Variants in MAN1A2 observed in about 807,000 individuals in gnomAD.
The protein encoded by MAN1A2 is mannosyl-oligosaccharide 1,2-alpha-mannosidase IB.
Under a neutral mutation model 75.7 loss-of-function variants are expected in MAN1A2, and 26 were observed. The ratio of observed to expected loss-of-function variants is 0.34; its 90% CI spans 0.25 to 0.48. MAN1A2 has a LOEUF of 0.48. Among genes scored for constraint, MAN1A2 ranks in the 20% least tolerant of loss-of-function variants. MAN1A2 has a pLI of 0.99. For synonymous variants in MAN1A2, 247 were observed against 264.6 expected (o/e 0.93, Z 0.65); for missense variants, 562 against 775.5 (o/e 0.72, Z 3.27).
At chr1:117,416,343 G>T (rs1647993177) in intron 4 of MAN1A2, among the ~76,000 whole-genome samples, 1 of 151,932 alleles carries the variant, frequency 6.6e-6, no homozygotes, top group Admixed American at 6.6e-5. Flanking sequence ...TTCTCTGTTG[G>T]TATCTGATCT....
At chr1:117,514,920 T>C in intron 12 of MAN1A2, 1 of 532,432 alleles carries the variant, frequency 1.9e-6, no homozygotes, top group South Asian at 1.4e-5. Context: ...CCTATTCTGC[T>C]GTTTTCTGCT....
chr1:117,428,784 CTTTTTTTTTTTTT>C (rs780515731), intron 5 of MAN1A2, among the ~76,000 whole-genome samples: 1 of 110,206 alleles, frequency 9.1e-6, no homozygotes, highest in African/African-American at 3.5e-5. Context: ...GGAGACCTTT[CTTTTTTTTTTTTT>C]TTTTTTTTTT....
intron 1 of MAN1A2, among the ~76,000 whole-genome samples, chr1:117,398,633 C>T (rs577614077): frequency 9.6e-4 from 145 of 150,434 alleles, no homozygotes; most frequent in Middle Eastern, 3.4e-3. Context: ...GAGATCGTGC[C>T]ACTGCACTAC....
At chr1:117,487,720 CTTGT>C (rs1026000602) in intron 8 of MAN1A2, among the ~76,000 whole-genome samples, 7 of 151,994 alleles carry the variant, frequency 4.6e-5, no homozygotes, top group African/African-American at 1.4e-4. Flanking sequence ...TCACTGCTCT[CTTGT>C]TTATTACCAA....
At chr1:117,374,623 G>T (rs1653082190) in intron 1 of MAN1A2, among the ~76,000 whole-genome samples, 1 of 152,150 alleles carries the variant, frequency 6.6e-6, no homozygotes, top group Non-Finnish European at 1.5e-5. Flanking sequence ...TGGACTCAGT[G>T]TTAAGAGACA....
intron 12 of MAN1A2, among the ~76,000 whole-genome samples, chr1:117,511,939 A>ATG (rs1651549156): frequency 6.6e-6 from 1 of 152,108 alleles, no homozygotes; most frequent in African/African-American, 2.4e-5. Context: ...CTCATATACT[A>ATG]TGTATTTCAG....
chr1:117,381,133 GTT>G (rs1653320261), intron 1 of MAN1A2, among the ~76,000 whole-genome samples: 1 of 151,936 alleles, frequency 6.6e-6, no homozygotes, highest in Non-Finnish European at 1.5e-5. Flanking sequence ...AAATGCAATT[GTT>G]CTCTTAATTT....
chr1:117,367,950 TGA>T lies in MAN1A2; in HGVS notation c.-233_-232del, dbSNP rs1388497306. The T allele has an allele frequency of 3.9e-6, 2 of 513,196 alleles. No homozygotes were observed. The highest frequency in any genetic ancestry group is 6.9e-6 in the Non-Finnish European group (2 of 290,246). The allele number at this position is 513,196 out of a possible 1,614,324, so 31.8% of individuals were successfully genotyped here. A position where few individuals can be genotyped will look rare whatever the true frequency, so the allele number is the denominator to read the frequency against. On this transcript the variant is annotated 5_prime_UTR_variant, in exon 1 of 13. It removes the in-frame stop codon of an upstream open reading frame in the 5' UTR. Coordinates refer to ENST00000356554, the MANE Select transcript of MAN1A2 (RefSeq NM_006699.5). ...TAATAATCCGATGAAGTACAGATGT[TGA>T]AGAGGATATCGCAGGACCTAAACTT...
At chr1:117,474,379 T>A (rs1369556754) in intron 8 of MAN1A2, among the ~76,000 whole-genome samples, 2 of 87,180 alleles carry the variant, frequency 2.3e-5, no homozygotes, top group Admixed American at 2.3e-4. Flanking sequence ...TCACCAGTAT[T>A]CCATGAGTTT....
intron 8 of MAN1A2, among the ~76,000 whole-genome samples, chr1:117,486,067 C>T (rs958415046): frequency 6.6e-6 from 1 of 151,962 alleles, no homozygotes; most frequent in Non-Finnish European, 1.5e-5. Context: ...TGGTTGACTA[C>T]TACAGTGGGA....
chr1:117,421,797 A>T (rs1648209571), intron 5 of MAN1A2, among the ~76,000 whole-genome samples: 1 of 152,098 alleles, frequency 6.6e-6, no homozygotes, highest in African/African-American at 2.4e-5. Context: ...AATAGAAAAA[A>T]ATGATATATA....
At chr1:117,383,041 T>C (rs1653403577) in intron 1 of MAN1A2, among the ~76,000 whole-genome samples, 1 of 152,232 alleles carries the variant, frequency 6.6e-6, no homozygotes, top group Non-Finnish European at 1.5e-5. Context: ...CCTGCCTAAC[T>C]GCTCTTGCTA....
At chr1:117,428,617 A>G (rs1648459028) in intron 5 of MAN1A2, among the ~76,000 whole-genome samples, 1 of 152,086 alleles carries the variant, frequency 6.6e-6, no homozygotes, top group African/African-American at 2.4e-5. Context: ...AGACCAAACT[A>G]TTCACAGTCT....
intron 1 of MAN1A2, among the ~76,000 whole-genome samples, chr1:117,399,308 T>C (rs948576434): frequency 1.2e-4 from 18 of 152,214 alleles, no homozygotes; most frequent in Non-Finnish European, 2.1e-4. Flanking sequence ...TGGTCGGGGA[T>C]TCCACATGCC....
At chr1:117,456,166 C>T (rs1047071042) in intron 6 of MAN1A2, among the ~76,000 whole-genome samples, 4 of 151,894 alleles carry the variant, frequency 2.6e-5, no homozygotes, top group Non-Finnish European at 4.4e-5. Context: ...TTTATCACGG[C>T]GTATTTCACA....
chr1:117,394,439 G>A (rs551675653), intron 1 of MAN1A2, among the ~76,000 whole-genome samples: 10 of 152,328 alleles, frequency 6.6e-5, no homozygotes, highest in South Asian at 4.1e-4. Context: ...AATTGAAGCC[G>A]TGATAGTGAG....
intron 1 of MAN1A2, among the ~76,000 whole-genome samples, chr1:117,399,562 C>T (rs1647340171): frequency 6.6e-6 from 1 of 151,788 alleles, no homozygotes; most frequent in Admixed American, 6.5e-5. Flanking sequence ...TGTCAGAATA[C>T]CCATTGATAG....
At chr1:117,392,636 A>G (rs1394188102) in intron 1 of MAN1A2, among the ~76,000 whole-genome samples, 1 of 152,202 alleles carries the variant, frequency 6.6e-6, no homozygotes, top group East Asian at 1.9e-4. Flanking sequence ...AATTACTTGA[A>G]TGACAGATAA....
chr1:117,409,082 T>G (rs1438418852), intron 3 of MAN1A2, among the ~76,000 whole-genome samples: 2 of 152,106 alleles, frequency 1.3e-5, no homozygotes, highest in African/African-American at 2.4e-5. Flanking sequence ...AGAAACAACT[T>G]TTGGGTTCAT....
Sources: allele counts gnomAD v4.1 joint callset (sites outside exome capture counted in the v4.1 genomes callset), GRCh38; gene constraint gnomAD v4.1.1; transcripts MANE v1.5; gene names NCBI Gene and HGNC (gene_info 2026-07-23, HGNC 2026-07-21).